VMA12: variants seen among roughly 807,000 people sequenced by gnomAD.
The protein encoded by VMA12 is vacuolar ATPase assembly protein VMA12.
the VMA12 span, chr17:28,358,805 T>C: frequency 1.2e-6 from 1 of 800,666 alleles, no homozygotes; most frequent in South Asian, 1.8e-5. Flanking sequence ...TGGATTAATG[T>C]AGAGATGGCC....
the VMA12 span, chr17:28,361,435 T>G: frequency 1.8e-5 from 11 of 600,092 alleles, no homozygotes; most frequent in Non-Finnish European, 3.0e-5. Context: ...AAGGGAGCAT[T>G]GGAGGAGATT....
the VMA12 span, chr17:28,361,051 C>A: frequency 8.7e-7 from 1 of 1,151,814 alleles, no homozygotes; most frequent in Admixed American, 2.0e-5. Context: ...TTCCCCTCCC[C>A]CAACTTAGAG....
chr17:28,359,099 T>C, the VMA12 span: 2 of 1,160,882 alleles, frequency 1.7e-6, no homozygotes, highest in Non-Finnish European at 2.4e-6. Context: ...TTTTGAAATC[T>C]TTGGGATCTG....
At chr17:28,359,169 A>G in the VMA12 span, 12 of 1,023,638 alleles carry the variant, frequency 1.2e-5, no homozygotes, top group East Asian at 2.6e-4. Flanking sequence ...AAAAAAAAAA[A>G]AAACAGTTTC....
chr17:28,358,842 C>T, the VMA12 span: 2 of 1,171,296 alleles, frequency 1.7e-6, no homozygotes, highest in African/African-American at 1.5e-5. Flanking sequence ...GAAAGAAGGG[C>T]TACACCCCTC....
At chr17:28,359,359 G>A in the VMA12 span, 1 of 1,613,912 alleles carries the variant, frequency 6.2e-7, no homozygotes, top group African/African-American at 1.3e-5. Flanking sequence ...AGATACAGCT[G>A]GCCAATGAGG....
chr17:28,361,360 G>C, the VMA12 span: 3 of 1,034,392 alleles, frequency 2.9e-6, no homozygotes, highest in Non-Finnish European at 4.4e-6. Flanking sequence ...GCTCCAGTTA[G>C]TCAGAAGACC....
At chr17:28,362,445 T>G in the VMA12 span, 14 of 152,122 alleles carry the variant, frequency 9.2e-5, no homozygotes, top group Admixed American at 9.2e-4. Flanking sequence ...GCGGATCACT[T>G]GAGGTTGGGA....
chr17:28,357,759 T>C, the VMA12 span: 4 of 1,613,434 alleles, frequency 2.5e-6, no homozygotes, highest in South Asian at 4.4e-5. Flanking sequence ...CCCCGAAAGC[T>C]GCGGGCCGAG....
chr17:28,363,084 A>G, the VMA12 span: 1 of 152,260 alleles, frequency 6.6e-6, no homozygotes, highest in East Asian at 1.9e-4. Context: ...TACCTACATT[A>G]TTTCTTATAC....
At chr17:28,357,953 T>G in the VMA12 span, 1 of 1,509,212 alleles carries the variant, frequency 6.6e-7, no homozygotes, top group Non-Finnish European at 9.1e-7. Context: ...TCTTTTCCCA[T>G]CATTCCCCTT....
the VMA12 span, chr17:28,361,077 C>T: frequency 1.4e-6 from 2 of 1,406,002 alleles, no homozygotes; most frequent in African/African-American, 1.4e-5. Context: ...TTGGGGGGCT[C>T]TCCATCCTCA....
At chr17:28,358,107 T>C in the VMA12 span, 12 of 572,246 alleles carry the variant, frequency 2.1e-5, no homozygotes, top group African/African-American at 5.6e-5. Flanking sequence ...CCCTCTTCAC[T>C]TCCAGGCACA....
At chr17:28,360,552 C>T in the VMA12 span, 2 of 1,614,074 alleles carry the variant, frequency 1.2e-6, no homozygotes, top group African/African-American at 2.7e-5. Context: ...GTGGGACTCT[C>T]AGCGACCTGG....
the VMA12 span, chr17:28,363,491 G>A: frequency 1.3e-5 from 2 of 152,106 alleles, no homozygotes; most frequent in Admixed American, 1.3e-4. Context: ...CGTTTGCAGA[G>A]CACAACAATC....
the VMA12 span, chr17:28,361,777 A>G: frequency 2.6e-5 from 4 of 154,504 alleles, no homozygotes; most frequent in Non-Finnish European, 4.3e-5. Context: ...TAAGAGAAAG[A>G]TGGGTTGCTA....
the VMA12 span, chr17:28,360,625 C>T: frequency 1.2e-6 from 2 of 1,606,440 alleles, no homozygotes; most frequent in Non-Finnish European, 1.7e-6. Context: ...TGGGTCATGA[C>T]ACTCAGGCTT....
chr17:28,362,624 C>G, the VMA12 span: 1 of 152,156 alleles, frequency 6.6e-6, no homozygotes, highest in Non-Finnish European at 1.5e-5. Context: ...ATGGCAAAAG[C>G]CCATCTCTAC....
the VMA12 span, chr17:28,361,453 C>T: frequency 1.7e-6 from 1 of 576,566 alleles, no homozygotes; most frequent in South Asian, 2.0e-5. Context: ...ATTGAGATAA[C>T]ACATCTTTAA....
Sources: gnomAD v4.1 joint callset for allele counts on GRCh38, gnomAD v4.1.1 for gene constraint, MANE v1.5 for transcripts, NCBI Gene and HGNC (gene_info 2026-07-23, HGNC 2026-07-21) for gene names.